RERE: variants seen among roughly 807,000 people sequenced by gnomAD.
RERE encodes the protein arginine-glutamic acid dipeptide repeats.
In RERE, 40 loss-of-function variants were observed where a neutral mutation model predicts 146.1. The observed-to-expected ratio is 0.27, with a 90% CI of 0.21 to 0.36. The LOEUF is 0.36. RERE is among the 10% of genes least tolerant of loss of function. RERE has a pLI of 1.00. For missense variants in RERE, 1,933 were observed against 2,138.7 expected (o/e 0.90, Z 1.90); for synonymous variants, 1,003 against 866.0 (o/e 1.16, Z -2.78).
At chr1:8,440,731 C>CA (rs35025831) in intron 11 of RERE, among the ~76,000 whole-genome samples, 41,463 of 129,042 alleles carry the variant, frequency 0.32, 6,362 homozygotes, top group African/African-American at 0.35. Context: ...ACTAAAAATA[C>CA]AAAAAAAAAA....
chr1:8,750,130 G>A (rs61784171), intron 1 of RERE, among the ~76,000 whole-genome samples: 3,608 of 119,652 alleles, frequency 0.03, 55 homozygotes, highest in Non-Finnish European at 0.043. Flanking sequence ...CAGCCTGGGT[G>A]ACAGAACAAG....
At chr1:8,808,705 T>C (rs1641735347) in intron 1 of RERE, among the ~76,000 whole-genome samples, 1 of 152,120 alleles carries the variant, frequency 6.6e-6, no homozygotes. Context: ...TAGTTAACGG[T>C]AGACAAATAC....
At chr1:8,593,065 G>A (rs1282043134) in intron 4 of RERE, among the ~76,000 whole-genome samples, 2 of 152,152 alleles carry the variant, frequency 1.3e-5, no homozygotes, top group Non-Finnish European at 2.9e-5. Flanking sequence ...ATCTCATTCT[G>A]TGCTGAATGG....
In RERE at chr1:8,364,644, A is replaced by C. The variant is rs952574672; in HGVS notation, c.1540+102T>G. The C allele has an allele frequency of 2.5e-6, 2 of 811,378 alleles. No individual in the cohort carries two copies. The highest frequency in any genetic ancestry group is 3.4e-5 in the African/African-American group (2 of 59,460). 50.3% of individuals were successfully genotyped at this position (811,378 alleles called of 1,614,324 possible). ...GAAGCACAATGCAAATGTCAAATCA[A>C]GTACTGTCCCTGGCAGGTTTCCAGC... is the stretch of plus-strand genomic sequence containing the variant. On this transcript the variant is annotated intron_variant, in intron 14 of 22. Transcript: ENST00000400908. This position sits in a 1 kb window ranked among gnomAD's most constrained non-coding sequence, Gnocchi z 5.1.
chr1:8,739,717 A>AGAGGCATCCTTGATTTTTCCTCCAGTCAT (rs1293246217), intron 1 of RERE, among the ~76,000 whole-genome samples: 1 of 152,098 alleles, frequency 6.6e-6, no homozygotes, highest in Non-Finnish European at 1.5e-5. Context: ...CCCAAAACCT[A>AGAGGCATCCTTGATTTTTCCTCCAGTCAT]GAGGCATCCT....
At chr1:8,649,602 C>A (rs570181406) in intron 2 of RERE, among the ~76,000 whole-genome samples, 2 of 151,790 alleles carry the variant, frequency 1.3e-5, no homozygotes, top group African/African-American at 2.4e-5. Flanking sequence ...TGGTGTCACA[C>A]GCCTGTAATC....
chr1:8,374,449 T>C (rs1642162773), intron 12 of RERE, among the ~76,000 whole-genome samples: 2 of 152,228 alleles, frequency 1.3e-5, no homozygotes, highest in Non-Finnish European at 2.9e-5. Context: ...CTGCCAACAC[T>C]GAACACTGTA....
intron 2 of RERE, among the ~76,000 whole-genome samples, chr1:8,635,284 T>TAA (rs1647083759): frequency 6.6e-6 from 1 of 152,188 alleles, no homozygotes; most frequent in Non-Finnish European, 1.5e-5. Context: ...AAATATACAA[T>TAA]ATACTCAGGA....
intron 1 of RERE, among the ~76,000 whole-genome samples, chr1:8,777,752 G>C (rs1219350860): frequency 6.6e-6 from 1 of 151,554 alleles, no homozygotes; most frequent in Non-Finnish European, 1.5e-5. Context: ...AGCCAGGATG[G>C]TCTCGATCTC....
intron 12 of RERE, chr1:8,380,958 G>T: frequency 2.2e-6 from 1 of 456,598 alleles, no homozygotes; most frequent in Non-Finnish European, 4.4e-6. Flanking sequence ...TCCTTCCCTG[G>T]GTAAAAGGGA....
chr1:8,398,359 C>A (rs1272056974), intron 12 of RERE, among the ~76,000 whole-genome samples: 1 of 152,208 alleles, frequency 6.6e-6, no homozygotes, highest in Non-Finnish European at 1.5e-5. Flanking sequence ...GATGAAATCT[C>A]CATAGCTTTG....
intron 10 of RERE, among the ~76,000 whole-genome samples, chr1:8,467,193 G>A (rs1229102116): frequency 6.6e-6 from 1 of 152,154 alleles, no homozygotes; most frequent in African/African-American, 2.4e-5. Context: ...CTTTTCACTC[G>A]TGCTTCAATC....
chr1:8,579,594 G>A (rs746486817), intron 4 of RERE, among the ~76,000 whole-genome samples: 4 of 152,198 alleles, frequency 2.6e-5, no homozygotes, highest in Non-Finnish European at 5.9e-5. Flanking sequence ...AGAGACTACT[G>A]CCTCTGCATT....
intron 10 of RERE, among the ~76,000 whole-genome samples, chr1:8,491,230 C>T (rs559836531): frequency 3.0e-4 from 45 of 150,838 alleles, no homozygotes; most frequent in Middle Eastern, 3.4e-3. Context: ...CACCTGAGAT[C>T]GGGAGTTCGA....
At chr1:8,731,235 T>C (rs1429537495) in intron 1 of RERE, among the ~76,000 whole-genome samples, 1 of 152,118 alleles carries the variant, frequency 6.6e-6, no homozygotes, top group Non-Finnish European at 1.5e-5. Flanking sequence ...TATATAGCTT[T>C]TACCTCCAGG....
intron 1 of RERE, among the ~76,000 whole-genome samples, chr1:8,795,329 C>CTTTTTT (rs1308816867): frequency 6.8e-6 from 1 of 148,034 alleles, no homozygotes; most frequent in Non-Finnish European, 1.5e-5. Flanking sequence ...CGGCCCCCCA[C>CTTTTTT]TTTTTTTTTT....
chr1:8,475,420 G>A (rs1644743548), intron 10 of RERE, among the ~76,000 whole-genome samples: 1 of 147,822 alleles, frequency 6.8e-6, no homozygotes, highest in Non-Finnish European at 1.5e-5. Flanking sequence ...GCTCACACCT[G>A]TAATCCCAGC....
At chr1:8,802,089 T>C (rs1222826362) in intron 1 of RERE, among the ~76,000 whole-genome samples, 1 of 152,234 alleles carries the variant, frequency 6.6e-6, no homozygotes, top group Non-Finnish European at 1.5e-5. Context: ...ATATTAATTT[T>C]ATAATTATAA....
chr1:8,447,904 C>A (rs1003399800), intron 11 of RERE, among the ~76,000 whole-genome samples: 1 of 152,176 alleles, frequency 6.6e-6, no homozygotes, highest in Non-Finnish European at 1.5e-5. Flanking sequence ...TCTGGGGAGC[C>A]GATATTGGGT....
Sources: gnomAD v4.1 joint callset for allele counts (sites outside exome capture counted in the v4.1 genomes callset) on GRCh38, gnomAD v4.1.1 for gene constraint, Gnocchi (gnomAD v3.1) non-coding constraint, MANE v1.5 for transcripts, NCBI Gene and HGNC (gene_info 2026-07-23, HGNC 2026-07-21) for gene names.